Variants in OLFM3 observed in about 807,000 individuals in gnomAD.
OLFM3 encodes the protein olfactomedin 3.
OLFM3 carries 20 observed loss-of-function variants against 48.6 expected under a neutral mutation model. The ratio of observed to expected loss-of-function variants is 0.41; its 90% CI spans 0.29 to 0.60. The LOEUF (loss-of-function observed/expected upper bound fraction) is 0.60, where lower values mean the gene tolerates loss of function less well. Ranked by LOEUF, OLFM3 falls within the 20% of genes least tolerant of loss-of-function variation. The pLI is 0.28. For synonymous variants in OLFM3, 222 were observed against 198.1 expected, an observed-to-expected ratio of 1.12 and a Z score of -1.01; for missense variants, 437 against 544.3, an observed-to-expected ratio of 0.80 and a Z score of 1.96.
At chr1:101,930,952 C>A (rs1420886075) in intron 1 of OLFM3, among the ~76,000 whole-genome samples, 1 of 152,186 alleles carries the variant, frequency 6.6e-6, no homozygotes, top group Non-Finnish European at 1.5e-5. Context: ...GTGCATACCT[C>A]AATATCTCAG....
chr1:101,847,057 C>T, intron 1 of OLFM3: 1 of 1,514,386 alleles, frequency 6.6e-7, no homozygotes, highest in Admixed American at 1.8e-5. Context: ...TGCAGCGCGC[C>T]ACATCTACAG....
chr1:101,943,407 T>C (rs936744950), intron 1 of OLFM3, among the ~76,000 whole-genome samples: 15 of 152,198 alleles, frequency 9.9e-5, no homozygotes, highest in Admixed American at 5.2e-4. Context: ...GCAATAAATA[T>C]CTTACATACC....
In OLFM3 at chr1:101,804,058, T is replaced by A; in HGVS notation, c.*180A>T. The A allele has an allele frequency of 6.1e-6, 3 of 495,478 alleles. No individual in the cohort carries two copies. In the South Asian group the frequency reaches 1.1e-4, roughly 18 times the overall value. The allele number at this position is 495,478 out of a possible 1,614,324, so 30.7% of individuals were successfully genotyped here. A position where few individuals can be genotyped will look rare whatever the true frequency, so the allele number is the denominator to read the frequency against. ...CCTTGTAAATTTAGAAGTTAAGATG[T>A]GTTTCCAACATGGTAAGTTAGACAA... On this transcript the variant is annotated 3_prime_UTR_variant, in exon 6 of 6. Transcript: ENST00000370103. The surrounding 1 kb of genome is among the most constrained non-coding windows in gnomAD (Gnocchi z 4.5).
intron 1 of OLFM3, among the ~76,000 whole-genome samples, chr1:101,890,300 A>C (rs1657940273): frequency 6.6e-6 from 1 of 151,934 alleles, no homozygotes. Flanking sequence ...AAGGAAGATA[A>C]TCTTTGTGTA....
chr1:101,929,446 G>T (rs1398659424), intron 1 of OLFM3, among the ~76,000 whole-genome samples: 1 of 151,976 alleles, frequency 6.6e-6, no homozygotes, highest in East Asian at 1.9e-4. Flanking sequence ...CTCAGCTCTT[G>T]GTGGAAGTAT....
intron 1 of OLFM3, among the ~76,000 whole-genome samples, chr1:101,885,748 A>G (rs1381075067): frequency 6.6e-6 from 1 of 152,140 alleles, no homozygotes; most frequent in Non-Finnish European, 1.5e-5. Flanking sequence ...TATGATACAC[A>G]TAACCACAAA....
chr1:101,920,480 T>C (rs1659059815), intron 1 of OLFM3, among the ~76,000 whole-genome samples: 1 of 152,212 alleles, frequency 6.6e-6, no homozygotes, highest in Non-Finnish European at 1.5e-5. Context: ...GTTAAATAGG[T>C]GAACATATTT....
chr1:101,833,633 A>T (rs1407546265), intron 2 of OLFM3, among the ~76,000 whole-genome samples: 2 of 152,092 alleles, frequency 1.3e-5, no homozygotes, highest in African/African-American at 4.8e-5. Context: ...TGGAATTTTT[A>T]TTTATTCTGG....
At chr1:101,885,356 A>C (rs1657706902) in intron 1 of OLFM3, among the ~76,000 whole-genome samples, 1 of 152,084 alleles carries the variant, frequency 6.6e-6, no homozygotes, top group Non-Finnish European at 1.5e-5. Context: ...TTTTTATGAC[A>C]TGGTCCCTTC....
intron 1 of OLFM3, among the ~76,000 whole-genome samples, chr1:101,903,898 A>G (rs913997937): frequency 2.5e-4 from 38 of 152,100 alleles, no homozygotes; most frequent in Admixed American, 1.4e-3. Context: ...ACTGATTACA[A>G]TAAGGAAATA....
chr1:101,864,995 T>C (rs182210937), intron 1 of OLFM3, among the ~76,000 whole-genome samples: 1 of 152,348 alleles, frequency 6.6e-6, no homozygotes, highest in East Asian at 1.9e-4. Flanking sequence ...CATTTGGTTT[T>C]ATCTATTAGG....
At chr1:101,911,175 T>A (rs539286954) in intron 1 of OLFM3, among the ~76,000 whole-genome samples, 16 of 152,242 alleles carry the variant, frequency 1.1e-4, no homozygotes, top group African/African-American at 3.6e-4. Context: ...GAAGCAAATA[T>A]CTGGTAGGGC....
chr1:101,996,083 C>T (rs1661548034), intron 1 of OLFM3, among the ~76,000 whole-genome samples: 1 of 152,178 alleles, frequency 6.6e-6, no homozygotes, highest in Non-Finnish European at 1.5e-5. Flanking sequence ...CTTCCTATTG[C>T]CCTCCTTAGT....
At chr1:101,880,442 T>A (rs1183127721) in intron 1 of OLFM3, among the ~76,000 whole-genome samples, 4 of 151,892 alleles carry the variant, frequency 2.6e-5, no homozygotes, top group Admixed American at 6.6e-5. Context: ...ATCTTTTTTT[T>A]AAATCCCTTT....
chr1:101,917,099 T>C (rs978334699), intron 1 of OLFM3, among the ~76,000 whole-genome samples: 4 of 152,162 alleles, frequency 2.6e-5, no homozygotes, highest in African/African-American at 4.8e-5. Context: ...ATTTATGTTA[T>C]TTATGATTTA....
Position 101,903,614 on chromosome 1 carries a change from CTT to C in OLFM3, c.70-66591_70-66590del, listed in dbSNP as rs1356207873. On this transcript the variant is annotated intron_variant, in intron 1 of 5. Transcript: ENST00000370103. ...TTTTTATTGCTTTTGCTATTTTATACTTTGTTTATGATTAGTGACACTTAAGA... is the reference window on the plus strand; with the variant it reads ...TTTTTATTGCTTTTGCTATTTTATACTGTTTATGATTAGTGACACTTAAGA... 2.0e-5 allele frequency among the ~76,000 whole-genome samples: 3 copies of C among 151,988 alleles called. No homozygotes were observed. In the South Asian group the frequency reaches 6.2e-4, roughly 31 times the overall value.
chr1:101,816,352 C>T (rs1429279806), intron 4 of OLFM3, among the ~76,000 whole-genome samples: 1 of 152,030 alleles, frequency 6.6e-6, no homozygotes, highest in Admixed American at 6.6e-5. Context: ...TAAAAATAAT[C>T]TAGTAGGGAG....
chr1:101,956,064 T>C (rs962392182), intron 1 of OLFM3, among the ~76,000 whole-genome samples: 2 of 147,634 alleles, frequency 1.4e-5, no homozygotes, highest in African/African-American at 5.1e-5. Context: ...ATCTGTCATA[T>C]CTCAATTCAA....
intron 1 of OLFM3, among the ~76,000 whole-genome samples, chr1:101,901,362 G>C (rs916028315): frequency 6.6e-6 from 1 of 152,038 alleles, no homozygotes; most frequent in African/African-American, 2.4e-5. Context: ...AGAAAATAGT[G>C]GAGACAATCA....
Sources: gnomAD v4.1 joint callset for allele counts (sites outside exome capture counted in the v4.1 genomes callset) on GRCh38, gnomAD v4.1.1 for gene constraint, Gnocchi (gnomAD v3.1) non-coding constraint, MANE v1.5 for transcripts, NCBI Gene and HGNC (gene_info 2026-07-23, HGNC 2026-07-21) for gene names.